The following UPF1 variants were observed in gnomAD, a reference collection of about 807,000 sequenced individuals.
UPF1 encodes UPF1 RNA helicase and ATPase.
In UPF1, 9 loss-of-function variants were observed where a neutral mutation model predicts 129.2. The ratio of observed to expected loss-of-function variants is 0.07; its 90% CI spans 0.04 to 0.12. UPF1 has a LOEUF of 0.12. Ranked by LOEUF, UPF1 falls within the 10% of genes least tolerant of loss-of-function variation. The probability of loss-of-function intolerance (pLI) is 1.00; values close to 1 mark genes in which losing one functional copy is unlikely to be tolerated. For missense variants in UPF1, 788 were observed against 1,525.3 expected (o/e 0.52, Z 8.05); for synonymous variants, 649 against 644.9 (o/e 1.01, Z -0.10).
Position 18,867,857 on chromosome 19 carries a change from C to G in UPF1, c.*1340C>G, listed in dbSNP as rs1456424242. On this transcript the variant is annotated 3_prime_UTR_variant, in exon 24 of 24. Coordinates refer to ENST00000262803, the MANE Select transcript of UPF1 (RefSeq NM_002911.4). ...GCCTGGGGCTGTCACTGGCCCTGAT[C>G]CGAACACCTCCAGATTCCGGCTTCT... is the stretch of plus-strand genomic sequence containing the variant. 1 of 152,308 alleles carries G rather than the reference C, an allele frequency of 6.6e-6. No individual in the cohort carries two copies. Among genetic ancestry groups the G allele is most frequent in the African/African-American group, 2.4e-5 (1 of 41,450 alleles). The allele number at this position is 152,308 out of a possible 1,614,324, so 9.4% of individuals were successfully genotyped here.
Position 18,865,822 on chromosome 19 carries a change from G to C in UPF1, c.3237+44G>C. The C allele has an allele frequency of 2.5e-6, 4 of 1,607,552 alleles. No individual in the cohort carries two copies. The highest frequency in any genetic ancestry group is 3.4e-6 in the Non-Finnish European group (4 of 1,178,638). On this transcript the variant is annotated intron_variant, in intron 22 of 23. Coordinates refer to ENST00000262803, the MANE Select transcript of UPF1 (RefSeq NM_002911.4). The surrounding 1 kb of genome is among the most constrained non-coding windows in gnomAD (Gnocchi z 6.1). Reference sequence around the variant, plus strand: ...CGGGACTTACCTGAGTGAGGGTGGGGCTATGCACCTGAAACATTCCCTCTG... The same window carrying C: ...CGGGACTTACCTGAGTGAGGGTGGGCCTATGCACCTGAAACATTCCCTCTG...
chr19:18,857,608 A>G (rs560285678), intron 15 of UPF1, 75 bp downstream of exon 15: 1 of 1,454,752 alleles, frequency 6.9e-7, no homozygotes, highest in South Asian at 1.4e-5. Context: ...GGGAGAAGGA[A>G]CTGGCCCATC....
At chr19:18,864,368 T>G (rs1392648048) in intron 20 of UPF1, 117 bp downstream of exon 20, 1 of 882,772 alleles carries the variant, frequency 1.1e-6, no homozygotes, top group Non-Finnish European at 1.7e-6. Flanking sequence ...GGGCGGTGCC[T>G]GGCTCCCTTG....
rs1457885798 is a variant in UPF1 at position 18,867,013 on chromosome 19, C to G, written c.*496C>G. 1 of 152,656 alleles carries G rather than the reference C, an allele frequency of 6.6e-6. No individual in the cohort carries two copies. The highest frequency in any genetic ancestry group is 1.5e-5 in the Non-Finnish European group (1 of 68,058). The allele number at this position is 152,656 out of a possible 1,614,324, so 9.5% of individuals were successfully genotyped here. On this transcript the variant is annotated 3_prime_UTR_variant, in exon 24 of 24. Transcript: ENST00000262803. ...ACCGGACGCGCCGAGGTCGCGCTGC[C>G]TGTGTTCTCCGAGGGCCTTCATTTA...
intron 3 of UPF1, 128 bp downstream of exon 3, chr19:18,847,961 G>A (rs1476878903): frequency 1.3e-5 from 12 of 902,974 alleles, no homozygotes; most frequent in Non-Finnish European, 1.9e-5. Context: ...TTCCTCCTCT[G>A]TGACTGGTTT....
intron 17 of UPF1, 55 bp downstream of exon 17, chr19:18,861,037 C>A: frequency 6.6e-7 from 1 of 1,511,694 alleles, no homozygotes; most frequent in Non-Finnish European, 8.9e-7. Flanking sequence ...GGGTATTGAC[C>A]CTTGACCTTT....
At position 18,865,317 on chromosome 19, in the gene UPF1, C is replaced by T; in HGVS notation, c.2886C>T (p.Thr962=). ...QGRPSSMYFQ[T]HDQIGMISAG... is the part of the protein sequence containing the mutation. Reference sequence around the variant, plus strand: ...GGCCTTCCAGCATGTACTTCCAGACCCATGACCAGATTGGCATGATCAGTG... The same window carrying T: ...GGCCTTCCAGCATGTACTTCCAGACTCATGACCAGATTGGCATGATCAGTG... The change falls in exon 21 of 24, where the codon ACC becomes ACT. Residue 962 remains threonine (T), a synonymous_variant. Coordinates refer to ENST00000262803, the MANE Select transcript of UPF1 (RefSeq NM_002911.4). This position sits in a 1 kb window ranked among gnomAD's most constrained non-coding sequence, Gnocchi z 6.1. 1 of 1,612,900 alleles carries T rather than the reference C, an allele frequency of 6.2e-7. No individual in the cohort carries two copies. Among genetic ancestry groups the T allele is most frequent in the Non-Finnish European group, 8.5e-7 (1 of 1,179,164 alleles).
chr19:18,848,789 C>T (rs2055627072), intron 3 of UPF1, among the ~76,000 whole-genome samples: 1 of 152,200 alleles, frequency 6.6e-6, no homozygotes, highest in African/African-American at 2.4e-5. Flanking sequence ...AGAAGGGTAT[C>T]TTCTGGATAA....
In UPF1 at chr19:18,851,051, C is replaced by A. The variant is rs1323222293; in HGVS notation, c.810+183C>A. On this transcript the variant is annotated intron_variant, in intron 5 of 23. Coordinates refer to ENST00000262803, the MANE Select transcript of UPF1 (RefSeq NM_002911.4). This position sits in a 1 kb window ranked among gnomAD's most constrained non-coding sequence, Gnocchi z 4.2. The stretch of plus-strand genomic sequence containing the variant: ...GCACCTTGGTCACCTTCCATCCAGG[C>A]AGCCTTACCTGACCGAGAAGATCCT... 6.3e-6 allele frequency: 4 copies of A among 631,770 alleles called. No individual in the cohort carries two copies. Among genetic ancestry groups the A allele is most frequent in the Non-Finnish European group, 7.4e-6 (3 of 407,274 alleles). 39.1% of individuals were successfully genotyped at this position (631,770 alleles called of 1,614,324 possible).
At chr19:18,833,289 A>G (rs1275405341) in intron 1 of UPF1, 1 of 152,048 alleles carries the variant, frequency 6.6e-6, no homozygotes, top group Non-Finnish European at 1.5e-5. Context: ...AGCAGGTTGT[A>G]TTTTGTTTTT....
intron 1 of UPF1, among the ~76,000 whole-genome samples, chr19:18,839,954 A>G (rs1230787324): frequency 6.6e-6 from 1 of 152,040 alleles, no homozygotes; most frequent in Non-Finnish European, 1.5e-5. Context: ...TGCCAGGCAG[A>G]GGGGTGGGCA....
chr19:18,833,897 CA>C (rs1239291155), intron 1 of UPF1, among the ~76,000 whole-genome samples: 2 of 151,892 alleles, frequency 1.3e-5, no homozygotes, highest in East Asian at 1.9e-4. Context: ...CTAATGGAAG[CA>C]AAAAACATTT....
In UPF1 at chr19:18,853,343, C is replaced by G. The variant is rs372436600; in HGVS notation, c.1149C>G (p.Val383=). The G allele has an allele frequency of 1.2e-6, 2 of 1,607,246 alleles. No individual in the cohort carries two copies. Among genetic ancestry groups the G allele is most frequent in the African/African-American group, 2.7e-5 (2 of 74,576 alleles). ...LWKGIGHVIK[V]PDNYGDEIAI... is the part of the protein sequence containing the mutation. ...AAGGGATCGGCCACGTCATCAAGGT[C>G]CCTGATAGTATCCTTCATGTGAAGA... Residue 383 remains valine (V), a synonymous_variant, in exon 8 of 24, where the codon GTC becomes GTG. Transcript: ENST00000262803. This position sits in a 1 kb window ranked among gnomAD's most constrained non-coding sequence, Gnocchi z 4.4.
At position 18,865,974 on chromosome 19, in the gene UPF1, C is replaced by T; in HGVS notation, c.3238-70C>T. ...GGGTTTTCCATTCTTTTCTCTGGGG[C>T]TGCTGAGGGCTGGGTGGATGTGAGC... On this transcript the variant is annotated intron_variant, in intron 22 of 23. Transcript: ENST00000262803. This position sits in a 1 kb window ranked among gnomAD's most constrained non-coding sequence, Gnocchi z 6.1. 1 of 1,601,474 alleles carries T rather than the reference C, an allele frequency of 6.2e-7. No individual in the cohort carries two copies. Among genetic ancestry groups the T allele is most frequent in the Non-Finnish European group, 8.5e-7 (1 of 1,176,852 alleles).
chr19:18,862,225 G>GTTGGGGGTT, intron 18 of UPF1, 73 bp downstream of exon 18: 2 of 1,575,704 alleles, frequency 1.3e-6, no homozygotes, highest in East Asian at 4.5e-5. Flanking sequence ...TGGGGCTAGG[G>GTTGGGGGTT]TTGGGGGTTG....
At position 18,860,837 on chromosome 19, in the gene UPF1, C is replaced by G; in HGVS notation, c.2312C>G (p.Ala771Gly). ...GTSYLNRTEA[A>G]NVEKITTKLL... The stretch of plus-strand genomic sequence containing the variant: ...CCTGGGTTTCTTAGGACCGAGGCTG[C>G]GAACGTGGAGAAGATCACCACGAAG... Residue 771 changes from alanine (A) to glycine (G), a missense_variant, in exon 17 of 24, where the codon GCG (alanine) becomes GGG (glycine). Coordinates refer to ENST00000262803, the MANE Select transcript of UPF1 (RefSeq NM_002911.4). 1 of 1,612,220 alleles carries G rather than the reference C, an allele frequency of 6.2e-7. No homozygotes were observed. Among genetic ancestry groups the G allele is most frequent in the Non-Finnish European group, 8.5e-7 (1 of 1,179,602 alleles).
rs775574680 is a variant in UPF1 at position 18,850,893 on chromosome 19, C to T, written c.810+25C>T. 144 of 1,519,348 alleles carry T rather than the reference C, an allele frequency of 9.5e-5. No individual in the cohort carries two copies. Among genetic ancestry groups the T allele is most frequent in the Non-Finnish European group, 1.2e-4 (133 of 1,129,108 alleles). 94.1% of individuals were successfully genotyped at this position (1,519,348 alleles called of 1,614,324 possible). A position where few individuals can be genotyped will look rare whatever the true frequency, so the allele number is the denominator to read the frequency against. On this transcript the variant is annotated intron_variant, in intron 5 of 23. Transcript: ENST00000262803. The surrounding 1 kb of genome is among the most constrained non-coding windows in gnomAD (Gnocchi z 7.1). Reference sequence around the variant, plus strand: ...GGTGGGGCTGCCCAGCGGGCCGACCCGTGCCTTCGTGTGGTTTCTGGTTGC... The same window carrying T: ...GGTGGGGCTGCCCAGCGGGCCGACCTGTGCCTTCGTGTGGTTTCTGGTTGC...
intron 1 of UPF1, among the ~76,000 whole-genome samples, chr19:18,843,692 T>C (rs150293216): frequency 0.03 from 4,527 of 150,404 alleles, 87 homozygotes; most frequent in East Asian, 0.1. Context: ...TTAGTAGAGA[T>C]GGGGTTTTGC....
rs1307834078 is a variant in UPF1 at position 18,851,833 on chromosome 19, G to A, written c.811-302G>A. On this transcript the variant is annotated intron_variant, in intron 5 of 23. Coordinates refer to ENST00000262803, the MANE Select transcript of UPF1 (RefSeq NM_002911.4). This position sits in a 1 kb window ranked among gnomAD's most constrained non-coding sequence, Gnocchi z 4.2. ...GCCCTCTGCTGTGGACAGTGTGTCAGGCTGGTGCCTGGGGCTTTGTAGGCA... is the reference window on the plus strand; with the variant it reads ...GCCCTCTGCTGTGGACAGTGTGTCAAGCTGGTGCCTGGGGCTTTGTAGGCA... Among the ~76,000 whole-genome samples, 4 of 152,260 alleles carry A rather than the reference G, an allele frequency of 2.6e-5. No homozygotes were observed. Among genetic ancestry groups the A allele is most frequent in the Non-Finnish European group, 4.4e-5 (3 of 68,040 alleles).
Sources: allele counts gnomAD v4.1 joint callset (sites outside exome capture counted in the v4.1 genomes callset), GRCh38; gene constraint gnomAD v4.1.1; non-coding constraint Gnocchi (gnomAD v3.1); transcripts MANE v1.5; gene names NCBI Gene and HGNC (gene_info 2026-07-23, HGNC 2026-07-21).